Variants in SAMD13 observed in about 807,000 individuals in gnomAD.
SAMD13 encodes the protein sterile alpha motif domain-containing protein 13.
In SAMD13, 9 loss-of-function variants were observed where a neutral mutation model predicts 12.4. The observed-to-expected ratio is 0.72, with a 90% CI of 0.44 to 1.26. SAMD13 has a LOEUF of 1.26. Ranked by LOEUF, SAMD13 falls within the 50% of genes most tolerant of loss-of-function variation. The pLI is 0.00. For synonymous variants in SAMD13, 46 were observed against 45.4 expected, an observed-to-expected ratio of 1.01 and a Z score of -0.05; for missense variants, 84 against 119.6, an observed-to-expected ratio of 0.70 and a Z score of 1.39.
intron 3 of SAMD13, among the ~76,000 whole-genome samples, chr1:84,331,219 A>G (rs1032950394): frequency 3.3e-5 from 5 of 151,928 alleles, no homozygotes; most frequent in African/African-American, 1.2e-4. Flanking sequence ...AATCACGGCC[A>G]AATCGAATTC....
rs533109873 is a variant in SAMD13, at chr1:84,330,184, T to G, written c.165+4436T>G. On this transcript the variant is annotated intron_variant, in intron 3 of 3. Coordinates refer to ENST00000394834, the MANE Select transcript of SAMD13 (RefSeq NM_001134663.2). ...AGTGGATGGTCCTGGAGAATTTGCC[T>G]TTCTAGGACTCAGATTTCTATAAAG... Among the ~76,000 whole-genome samples, 7 of 152,288 alleles carry G rather than the reference T, an allele frequency of 4.6e-5. No individual in the cohort carries two copies. In the South Asian group the frequency reaches 8.3e-4, roughly 18 times the overall value.
At chr1:84,319,112 C>T (rs1038514794) in intron 2 of SAMD13, among the ~76,000 whole-genome samples, 1 of 152,164 alleles carries the variant, frequency 6.6e-6, no homozygotes, top group Non-Finnish European at 1.5e-5. Context: ...GAGATCCCTA[C>T]AGAAGGAAAA....
chr1:84,306,834 A>C (rs868070411), intron 2 of SAMD13, among the ~76,000 whole-genome samples: 3,237 of 146,044 alleles, frequency 0.022, 105 homozygotes, highest in African/African-American at 0.068. Context: ...GTCTCAAAAT[A>C]ATAATAATAA....
chr1:84,311,836 T>TCTAAACC (rs1438435763), intron 2 of SAMD13, among the ~76,000 whole-genome samples: 1 of 152,216 alleles, frequency 6.6e-6, no homozygotes, highest in Non-Finnish European at 1.5e-5. Context: ...AAACCATGAA[T>TCTAAACC]TTAGTTTTTC....
intron 3 of SAMD13, among the ~76,000 whole-genome samples, chr1:84,335,389 T>C (rs1473238330): frequency 6.6e-6 from 1 of 152,210 alleles, no homozygotes; most frequent in Non-Finnish European, 1.5e-5. Flanking sequence ...TGTTTTCCAT[T>C]TGTTAGGTTG....
chr1:84,299,101 C>G (rs998875732), upstream of SAMD13, among the ~76,000 whole-genome samples: 1 of 152,230 alleles, frequency 6.6e-6, no homozygotes, highest in East Asian at 1.9e-4. Flanking sequence ...GCCCCTGAGA[C>G]GCCATTCCCG....
chr1:84,315,883 CATT>C (rs1332295665), intron 2 of SAMD13, among the ~76,000 whole-genome samples: 1 of 152,062 alleles, frequency 6.6e-6, no homozygotes, highest in South Asian at 2.1e-4. Flanking sequence ...CAACATTTGT[CATT>C]GTTGTTTTGG....
intron 2 of SAMD13, among the ~76,000 whole-genome samples, chr1:84,318,699 T>G (rs1678883744): frequency 6.6e-6 from 1 of 152,180 alleles, no homozygotes; most frequent in African/African-American, 2.4e-5. Context: ...GAATTAATAG[T>G]GATACTTGTA....
rs749198071 is a variant in SAMD13 at position 84,349,648 on chromosome 1, C to T, written c.183C>T (p.Ser61=). 5.6e-6 allele frequency: 9 copies of T among 1,612,878 alleles called. No homozygotes were observed. In the South Asian group the frequency reaches 7.7e-5, roughly 14 times the overall value. ...CATTATAGGAAATTGATGGAAAATC[C>T]CTGCTATTGATGACAAGAAATGATG... is the stretch of plus-strand genomic sequence containing the variant. ...AFQEQEIDGK[S]LLLMTRNDVL... Residue 61 remains serine, a synonymous_variant, in exon 4 of 4, where the codon TCC becomes TCT. Transcript: ENST00000394834.
At chr1:84,300,848 G>A (rs1678440996), upstream of SAMD13, among the ~76,000 whole-genome samples, 1 of 152,158 alleles carries the variant, frequency 6.6e-6, no homozygotes, top group South Asian at 2.1e-4. Flanking sequence ...TGGCGGGAGA[G>A]ACTATGAATT....
At chr1:84,301,884 C>A in intron 1 of SAMD13, 83 bp downstream of exon 1, 2 of 529,498 alleles carry the variant, frequency 3.8e-6, no homozygotes, top group Non-Finnish European at 4.8e-6. Flanking sequence ...TGCAGAGTAT[C>A]ATTGTGAGTG....
intron 3 of SAMD13, among the ~76,000 whole-genome samples, chr1:84,333,278 G>GAATCTGTA (rs1679229197): frequency 6.6e-6 from 1 of 152,126 alleles, no homozygotes; most frequent in Admixed American, 6.5e-5. Context: ...AAATAGCATT[G>GAATCTGTA]AATCTGTAAA....
intron 2 of SAMD13, among the ~76,000 whole-genome samples, chr1:84,305,854 T>C (rs1456208492): frequency 6.6e-6 from 1 of 152,196 alleles, no homozygotes; most frequent in Non-Finnish European, 1.5e-5. Flanking sequence ...TTGATCTTTT[T>C]GCATATATTT....
chr1:84,327,438 G>C (rs971234102), intron 3 of SAMD13, among the ~76,000 whole-genome samples: 2 of 152,116 alleles, frequency 1.3e-5, no homozygotes, highest in East Asian at 1.9e-4. Flanking sequence ...CTGGCTGCGT[G>C]GGGGTGGAAA....
intron 3 of SAMD13, among the ~76,000 whole-genome samples, chr1:84,348,829 C>G (rs932615026): frequency 6.6e-6 from 1 of 152,120 alleles, no homozygotes; most frequent in Non-Finnish European, 1.5e-5. Flanking sequence ...AGGGCCCTAC[C>G]CCTCACTACC....
intron 2 of SAMD13, among the ~76,000 whole-genome samples, chr1:84,309,974 G>A (rs1358250906): frequency 6.6e-6 from 1 of 152,108 alleles, no homozygotes; most frequent in Non-Finnish European, 1.5e-5. Context: ...CTTTGCAGAA[G>A]GGTTTGGTAT....
intron 2 of SAMD13, among the ~76,000 whole-genome samples, chr1:84,311,346 A>AAG (rs1553200271): frequency 2.9e-5 from 4 of 139,748 alleles, no homozygotes; most frequent in Admixed American, 7.2e-5. Flanking sequence ...AAAAAAAAAA[A>AAG]AAAAGAAAAG....
At position 84,349,777 on chromosome 1, in the gene SAMD13, C is replaced by G; in HGVS notation, c.*3C>G. 6.2e-7 allele frequency: 1 copy of G among 1,604,616 alleles called. No individual in the cohort carries two copies. The highest frequency in any genetic ancestry group is 1.1e-5 in the South Asian group (1 of 89,476). On this transcript the variant is annotated 3_prime_UTR_variant, in exon 4 of 4. Transcript: ENST00000394834. ...ATTTAAAGAACAACTCTTCATAGTA[C>G]AGTCAAATTGGGGTCTTCGACCTCA...
chr1:84,317,202 G>A (rs1392134134), intron 2 of SAMD13, among the ~76,000 whole-genome samples: 2 of 151,784 alleles, frequency 1.3e-5, no homozygotes, highest in South Asian at 4.1e-4. Context: ...TTATTTCTTT[G>A]TCTTGCCTAA....
Sources: allele counts gnomAD v4.1 joint callset (sites outside exome capture counted in the v4.1 genomes callset), GRCh38; gene constraint gnomAD v4.1.1; transcripts MANE v1.5; gene names NCBI Gene and HGNC (gene_info 2026-07-23, HGNC 2026-07-21).